Variants in TMPRSS7 observed in about 807,000 individuals in gnomAD.
TMPRSS7 encodes the protein transmembrane protease serine 7.
In TMPRSS7, 81 loss-of-function variants were observed where a neutral mutation model predicts 95.6. The observed-to-expected ratio is 0.85, with a 90% CI of 0.71 to 1.02. The LOEUF is 1.02. Among genes scored for constraint, TMPRSS7 ranks in the 50% least tolerant of loss-of-function variants. The pLI, the probability that TMPRSS7 is intolerant of heterozygous loss-of-function variation, is 0.00. For synonymous variants in TMPRSS7, 364 were observed against 337.8 expected, an observed-to-expected ratio of 1.08 and a Z score of -0.85; for missense variants, 945 against 955.2, an observed-to-expected ratio of 0.99 and a Z score of 0.14.
At chr3:112,049,759 G>T (rs2073322785) in intron 7 of TMPRSS7, 85 bp from the exon 8 acceptor site, 1 of 1,186,650 alleles carries the variant, frequency 8.4e-7, no homozygotes, top group South Asian at 2.1e-5. Context: ...GATGGCCCAG[G>T]AAATGTGTGG....
intron 12 of TMPRSS7, among the ~76,000 whole-genome samples, chr3:112,065,143 G>T (rs771424508): frequency 6.6e-6 from 1 of 152,052 alleles, no homozygotes; most frequent in Non-Finnish European, 1.5e-5. Flanking sequence ...TGGGCTCAAG[G>T]GATCCTCCCT....
intron 17 of TMPRSS7, 137 bp from the exon 18 acceptor site, chr3:112,080,777 C>T: frequency 2.7e-6 from 2 of 741,780 alleles, no homozygotes; most frequent in East Asian, 6.1e-5. Flanking sequence ...TTTCACACTT[C>T]CCAAATTACA....
At position 112,057,145 on chromosome 3, in the gene TMPRSS7, A is replaced by G. The variant is rs1445253441; in HGVS notation, c.1310+14A>G. The G allele has an allele frequency of 4.5e-6, 7 of 1,544,850 alleles. No individual in the cohort carries two copies. Among genetic ancestry groups the G allele is most frequent in the Non-Finnish European group, 5.4e-6 (6 of 1,120,416 alleles). On this transcript the variant is annotated intron_variant, in intron 10 of 17. Coordinates refer to ENST00000452346, the Ensembl canonical transcript of TMPRSS7. ...TAATGAGCACATGTAAGTGATTTTC[A>G]TATGTTTTCATATGTGAGGCATCTG...
intron 9 of TMPRSS7, among the ~76,000 whole-genome samples, chr3:112,051,313 T>C (rs902004280): frequency 6.6e-6 from 1 of 152,132 alleles, no homozygotes; most frequent in African/African-American, 2.4e-5. Context: ...TTAGGTATTA[T>C]AAGTAATCTA....
chr3:112,055,890 A>G (rs934994910), intron 9 of TMPRSS7, among the ~76,000 whole-genome samples: 2 of 152,234 alleles, frequency 1.3e-5, no homozygotes, highest in Non-Finnish European at 2.9e-5. Context: ...TGGAAATACA[A>G]AGAGAGAAGT....
intron 11 of TMPRSS7, 138 bp downstream of exon 11, chr3:112,062,061 T>A (rs1336132020): frequency 2.6e-6 from 1 of 380,490 alleles, no homozygotes; most frequent in Non-Finnish European, 4.2e-6. Context: ...ATTTCTATAA[T>A]AAATAATAAT....
In TMPRSS7 at chr3:112,062,645, A is replaced by T. The variant is rs533453179; in HGVS notation, c.1447+722A>T. 2.6e-5 allele frequency among the ~76,000 whole-genome samples: 4 copies of T among 152,336 alleles called. No individual in the cohort carries two copies. The South Asian group carries it at 8.3e-4, about 32-fold the overall frequency. Reference sequence around the variant, plus strand: ...TCTTCTTCTAGATTAAGAATATTACATCCTGAATTACAGAGTATTACAGTT... The same window carrying T: ...TCTTCTTCTAGATTAAGAATATTACTTCCTGAATTACAGAGTATTACAGTT... On this transcript the variant is annotated intron_variant, in intron 11 of 17. Coordinates refer to ENST00000452346, the Ensembl canonical transcript of TMPRSS7.
chr3:112,044,282 T>G, exon 4 of TMPRSS7: 7 of 1,551,256 alleles, frequency 4.5e-6, no homozygotes, highest in Non-Finnish European at 6.1e-6. Flanking sequence ...AACATCTGCC[T>G]TCTCCAAATT....
intron 7 of TMPRSS7, among the ~76,000 whole-genome samples, 194 bp downstream of exon 7, chr3:112,048,161 T>C (rs564829573): frequency 6.4e-4 from 98 of 152,308 alleles, no homozygotes; most frequent in African/African-American, 2.3e-3. Context: ...TCTCAATGTT[T>C]GTTTTCCACT....
intron 8 of TMPRSS7, 138 bp downstream of exon 8, chr3:112,050,112 G>C (rs1236735242): frequency 1.3e-6 from 1 of 771,254 alleles, no homozygotes; most frequent in Non-Finnish European, 1.9e-6. Context: ...TCAGAAGAGA[G>C]AGACCATATT....
At chr3:112,077,281 T>C in intron 16 of TMPRSS7, 137 bp downstream of exon 16, 6 of 909,944 alleles carry the variant, frequency 6.6e-6, no homozygotes, top group Non-Finnish European at 9.9e-6. Flanking sequence ...AAGGTTGGAT[T>C]GGAGGAGGGT....
chr3:112,036,014 C>T (rs2073147726), intron 1 of TMPRSS7, among the ~76,000 whole-genome samples: 1 of 152,146 alleles, frequency 6.6e-6, no homozygotes, highest in Non-Finnish European at 1.5e-5. Flanking sequence ...ACCCACAACC[C>T]TACAACCGTA....
At chr3:112,081,160 CG>C in exon 18 of TMPRSS7, 1 of 1,424,158 alleles carries the variant, frequency 7.0e-7, no homozygotes, top group Admixed American at 2.1e-5. Context: ...TGGCTGGGTG[CG>C]CTGGCTCACA....
At chr3:112,046,704 A>G (rs1463920104) in intron 5 of TMPRSS7, among the ~76,000 whole-genome samples, 1 of 152,194 alleles carries the variant, frequency 6.6e-6, no homozygotes, top group Admixed American at 6.5e-5. Context: ...TGCAACTACA[A>G]TTTCAAGGAT....
At chr3:112,061,762 T>C in intron 10 of TMPRSS7, 25 bp from the exon 11 acceptor site, 1 of 1,582,210 alleles carries the variant, frequency 6.3e-7, no homozygotes, top group Non-Finnish European at 8.6e-7. Context: ...AAGCTGTGTA[T>C]TCTCCCCGAC....
At chr3:112,064,682 G>A (rs114547839) in intron 12 of TMPRSS7, among the ~76,000 whole-genome samples, 1 of 152,114 alleles carries the variant, frequency 6.6e-6, no homozygotes, top group Non-Finnish European at 1.5e-5. Context: ...AAAAAGTTTT[G>A]TTGTTATTTT....
intron 5 of TMPRSS7, among the ~76,000 whole-genome samples, chr3:112,046,563 G>A (rs1035618460): frequency 1.3e-5 from 2 of 152,052 alleles, no homozygotes; most frequent in Non-Finnish European, 2.9e-5. Flanking sequence ...CATATGGTAG[G>A]TAGCTGACAA....
At chr3:112,051,514 A>AATAT (rs1205683744) in intron 9 of TMPRSS7, among the ~76,000 whole-genome samples, 5 of 132,870 alleles carry the variant, frequency 3.8e-5, no homozygotes, top group African/African-American at 1.1e-4. Context: ...ATGTATACGA[A>AATAT]ATATCTATCT....
At chr3:112,064,824 A>C (rs951956651) in intron 12 of TMPRSS7, among the ~76,000 whole-genome samples, 1 of 152,096 alleles carries the variant, frequency 6.6e-6, no homozygotes, top group African/African-American at 2.4e-5. Context: ...TCTTGAATCT[A>C]TCTCTAGTTT....
Sources: gnomAD v4.1 joint callset for allele counts (sites outside exome capture counted in the v4.1 genomes callset) on GRCh38, gnomAD v4.1.1 for gene constraint, MANE v1.5 for transcripts, NCBI Gene and HGNC (gene_info 2026-07-23, HGNC 2026-07-21) for gene names.